Variants in PRKG1 observed in about 807,000 individuals in gnomAD.
The protein encoded by PRKG1 is protein kinase cGMP-dependent 1.
PRKG1 carries 35 observed loss-of-function variants against 88.1 expected under a neutral mutation model. The observed-to-expected ratio is 0.40, with a 90% CI of 0.30 to 0.53. The LOEUF (loss-of-function observed/expected upper bound fraction) is 0.53, where lower values mean the gene tolerates loss of function less well. Ranked by LOEUF, PRKG1 falls within the 20% of genes least tolerant of loss-of-function variation. The probability of loss-of-function intolerance (pLI) is 0.59; values close to 1 mark genes in which losing one functional copy is unlikely to be tolerated. For missense variants in PRKG1, 540 were observed against 839.8 expected (o/e 0.64, Z 4.41); for synonymous variants, 303 against 292.5 (o/e 1.04, Z -0.37).
chr10:51,344,554 G>T (rs1842072093), intron 2 of PRKG1, among the ~76,000 whole-genome samples: 1 of 152,136 alleles, frequency 6.6e-6, no homozygotes, highest in Admixed American at 6.5e-5. Context: ...AATCATTCTA[G>T]CTTAGTCAGT....
chr10:51,869,360 C>T (rs1451820235), intron 4 of PRKG1, among the ~76,000 whole-genome samples: 2 of 151,964 alleles, frequency 1.3e-5, no homozygotes, highest in East Asian at 1.9e-4. Context: ...CAATTGTGGT[C>T]CATTATGGCC....
At chr10:51,938,793 C>A (rs1842847576) in intron 5 of PRKG1, among the ~76,000 whole-genome samples, 1 of 151,926 alleles carries the variant, frequency 6.6e-6, no homozygotes, top group African/African-American at 2.4e-5. Context: ...TGACTCTGAG[C>A]AAACTGTTTA....
At chr10:51,813,378 C>T (rs1169643871) in intron 4 of PRKG1, among the ~76,000 whole-genome samples, 2 of 152,158 alleles carry the variant, frequency 1.3e-5, no homozygotes, top group Non-Finnish European at 2.9e-5. Flanking sequence ...AGATTCTTTA[C>T]ATTTAGGTGC....
chr10:51,055,814 C>T (rs995386705), intron 1 of PRKG1, among the ~76,000 whole-genome samples: 1 of 152,086 alleles, frequency 6.6e-6, no homozygotes, highest in Admixed American at 6.6e-5. Flanking sequence ...TCTTCCAGCC[C>T]CATGTGACAA....
chr10:51,396,753 A>G (rs560866246), intron 2 of PRKG1, among the ~76,000 whole-genome samples: 1 of 152,254 alleles, frequency 6.6e-6, no homozygotes, highest in Non-Finnish European at 1.5e-5. Flanking sequence ...TTTGCAAATT[A>G]TAGTATTTTC....
At chr10:51,171,060 G>A (rs1299578109) in intron 2 of PRKG1, among the ~76,000 whole-genome samples, 1 of 152,088 alleles carries the variant, frequency 6.6e-6, no homozygotes, top group Non-Finnish European at 1.5e-5. Flanking sequence ...CATTGAGGTG[G>A]TAAGAAATGG....
At chr10:52,187,031 A>G (rs1016286982) in intron 9 of PRKG1, among the ~76,000 whole-genome samples, 16 of 152,346 alleles carry the variant, frequency 1.1e-4, no homozygotes, top group African/African-American at 3.8e-4. Flanking sequence ...ATTTATGCAC[A>G]TTCAATTTAG....
In PRKG1 at chr10:52,048,908, T is replaced by C. The variant is rs186870922; in HGVS notation, c.763-5576T>C. ...ATCTAGTTATCTTTCAACAAATATA[T>C]ATTGAATGCCTATTTTGTGTTAGGC... On this transcript the variant is annotated intron_variant, in intron 5 of 17. Coordinates refer to ENST00000373980, the MANE Select transcript of PRKG1 (RefSeq NM_006258.4). Among the ~76,000 whole-genome samples the C allele has an allele frequency of 1.8e-3, 268 of 152,274 alleles. 2 individuals carry two copies. The highest frequency in any genetic ancestry group is 6.0e-3 in the African/African-American group (251 of 41,556).
chr10:51,046,263 C>T (rs1376314167), intron 1 of PRKG1, among the ~76,000 whole-genome samples: 3 of 152,176 alleles, frequency 2.0e-5, no homozygotes, highest in Non-Finnish European at 2.9e-5. Flanking sequence ...ATTTGACTGA[C>T]TTGCTTTGAG....
At chr10:51,543,576 C>A (rs546736764) in intron 3 of PRKG1, among the ~76,000 whole-genome samples, 1 of 152,172 alleles carries the variant, frequency 6.6e-6, no homozygotes, top group African/African-American at 2.4e-5. Context: ...TTGCAGATGG[C>A]AGCAAAGCTA....
chr10:51,605,505 A>G (rs1369004724), intron 3 of PRKG1, among the ~76,000 whole-genome samples: 1 of 152,168 alleles, frequency 6.6e-6, no homozygotes, highest in Non-Finnish European at 1.5e-5. Flanking sequence ...AATTTACAAG[A>G]GTATATACAC....
chr10:51,907,575 T>C lies in PRKG1; in HGVS notation c.762+5T>C, dbSNP rs1293850896. Reference sequence around the variant, plus strand: ...CTTGCTGATGTCCTTGAAGAGGTAATTGTTTTTAGCCTTTGAACTTTTTGA... The same window carrying C: ...CTTGCTGATGTCCTTGAAGAGGTAACTGTTTTTAGCCTTTGAACTTTTTGA... On this transcript the variant is annotated splice_donor_5th_base_variant and intron_variant, in intron 5 of 17. Transcript: ENST00000373980. 1 of 1,612,688 alleles carries C rather than the reference T, an allele frequency of 6.2e-7. No homozygotes were observed. Among genetic ancestry groups the C allele is most frequent in the East Asian group, 2.2e-5 (1 of 44,862 alleles).
chr10:51,142,025 A>C (rs1023762504), intron 1 of PRKG1, among the ~76,000 whole-genome samples: 4 of 152,160 alleles, frequency 2.6e-5, no homozygotes, highest in African/African-American at 9.6e-5. Flanking sequence ...ACAGATCTCC[A>C]TCCAAATTGA....
At chr10:51,571,288 C>T (rs1324918556) in intron 3 of PRKG1, among the ~76,000 whole-genome samples, 1 of 151,812 alleles carries the variant, frequency 6.6e-6, no homozygotes, top group Non-Finnish European at 1.5e-5. Flanking sequence ...TTGAAAACAA[C>T]ACTGAATTAG....
chr10:51,555,300 T>G (rs1837282129), intron 3 of PRKG1, among the ~76,000 whole-genome samples: 1 of 151,978 alleles, frequency 6.6e-6, no homozygotes, highest in African/African-American at 2.4e-5. Context: ...CAACAACACA[T>G]TCCTATTTTT....
intron 3 of PRKG1, among the ~76,000 whole-genome samples, chr10:51,618,767 GTATT>G (rs1255962216): frequency 3.3e-5 from 5 of 151,330 alleles, no homozygotes; most frequent in Non-Finnish European, 7.4e-5. Flanking sequence ...TATTTATTAT[GTATT>G]TATTTATTTA....
chr10:51,006,481 A>G lies in PRKG1; in HGVS notation c.266+14837A>G, dbSNP rs925972479. Among the ~76,000 whole-genome samples the G allele has an allele frequency of 9.2e-5, 14 of 152,314 alleles. 1 individual carries two copies. The South Asian group carries it at 2.7e-3, about 29-fold the overall frequency. ...GATTCTGACTTCATTCACCAAATATATAAGAACTTTTAACCCTGTGACAGG... is the reference window on the plus strand; with the variant it reads ...GATTCTGACTTCATTCACCAAATATGTAAGAACTTTTAACCCTGTGACAGG... On this transcript the variant is annotated intron_variant, in intron 1 of 17. Coordinates refer to the PRKG1 transcript ENST00000401604.
chr10:52,029,350 C>T (rs1347943387), intron 5 of PRKG1, among the ~76,000 whole-genome samples: 1 of 152,104 alleles, frequency 6.6e-6, no homozygotes, highest in East Asian at 1.9e-4. Context: ...ACCAAGCTCA[C>T]AGTAAACATG....
chr10:51,047,878 G>T lies in PRKG1; in HGVS notation c.266+56234G>T, dbSNP rs181893421. Among the ~76,000 whole-genome samples, 59 of 152,252 alleles carry T rather than the reference G, an allele frequency of 3.9e-4. 1 individual carries two copies. Among genetic ancestry groups the T allele is most frequent in the African/African-American group, 1.3e-3 (56 of 41,556 alleles). On this transcript the variant is annotated intron_variant, in intron 1 of 17. Coordinates refer to the PRKG1 transcript ENST00000401604. ...TATTCTTAGGCATTTACTATACAAG[G>T]AAAGTATAAAATAACATGCTTGGCC...
Sources: gnomAD v4.1 joint callset for allele counts (sites outside exome capture counted in the v4.1 genomes callset) on GRCh38, gnomAD v4.1.1 for gene constraint, MANE v1.5 for transcripts, NCBI Gene and HGNC (gene_info 2026-07-23, HGNC 2026-07-21) for gene names.